The following SEMA3A variants were observed in gnomAD, a reference collection of about 807,000 sequenced individuals.
SEMA3A encodes semaphorin 3A, also known as semaphorin-3A.
Under a neutral mutation model 97.9 loss-of-function variants are expected in SEMA3A, and 29 were observed. The ratio of observed to expected loss-of-function variants is 0.30; its 90% CI spans 0.22 to 0.40. SEMA3A has a LOEUF of 0.40. SEMA3A is among the 10% of genes least tolerant of loss of function. SEMA3A has a pLI of 1.00. For missense variants in SEMA3A, 763 were observed against 951.3 expected, an observed-to-expected ratio of 0.80 and a Z score of 2.60; for synonymous variants, 321 against 323.7, an observed-to-expected ratio of 0.99 and a Z score of 0.09.
intron 1 of SEMA3A, among the ~76,000 whole-genome samples, chr7:84,418,342 T>A (rs1225926596): frequency 6.6e-6 from 1 of 151,976 alleles, no homozygotes; most frequent in Non-Finnish European, 1.5e-5. Context: ...GAACTCCACT[T>A]TATAAAACCA....
intron 1 of SEMA3A, among the ~76,000 whole-genome samples, chr7:84,149,805 GA>G (rs1796573799): frequency 6.6e-6 from 1 of 152,186 alleles, no homozygotes; most frequent in African/African-American, 2.4e-5. Context: ...AACATTCATT[GA>G]AAATGAGACA....
intron 4 of SEMA3A, among the ~76,000 whole-genome samples, chr7:84,100,428 A>T (rs1794925323): frequency 6.6e-6 from 1 of 152,192 alleles, no homozygotes; most frequent in Non-Finnish European, 1.5e-5. Context: ...AACAATCATG[A>T]AAAACCTTAC....
intron 2 of SEMA3A, among the ~76,000 whole-genome samples, chr7:84,314,395 G>A (rs557097575): frequency 6.6e-6 from 1 of 152,260 alleles, no homozygotes; most frequent in East Asian, 1.9e-4. Context: ...CATATGACAT[G>A]TAGTGTAATG....
intron 2 of SEMA3A, among the ~76,000 whole-genome samples, chr7:84,324,572 A>G (rs1049508497): frequency 2.6e-5 from 4 of 152,206 alleles, no homozygotes; most frequent in African/African-American, 9.6e-5. Flanking sequence ...TGGTAATTAT[A>G]TATACATTGG....
chr7:84,321,913 G>GAAAAAA (rs1801659201), intron 2 of SEMA3A, among the ~76,000 whole-genome samples: 1 of 108,682 alleles, frequency 9.2e-6, no homozygotes, highest in African/African-American at 3.3e-5. Context: ...GAAGAAGAAG[G>GAAAAAA]AGGAAATACC....
intron 1 of SEMA3A, among the ~76,000 whole-genome samples, chr7:84,165,305 T>C (rs1797165833): frequency 6.6e-6 from 1 of 152,172 alleles, no homozygotes; most frequent in African/African-American, 2.4e-5. Context: ...CTCTTAAAAG[T>C]AGACTAATAT....
Position 83,961,413 on chromosome 7 carries a change from G to C in SEMA3A, c.2274C>G (p.Asn758Lys). 3.1e-6 allele frequency: 5 copies of C among 1,614,084 alleles called. No individual in the cohort carries two copies. The highest frequency in any genetic ancestry group is 4.2e-6 in the Non-Finnish European group (5 of 1,179,950). The change falls in exon 17 of 17, where the codon AAC becomes AAG. Residue 758 changes from asparagine (N) to lysine (K), a missense_variant. Transcript: ENST00000265362. ...KHLQENKKGR[N>K]RRTHEFERAP... ...CCCTCTCAAATTCGTGGGTCCTCCTGTTTCTACCTTTCTTATTTTCTTGTA... is the reference window on the plus strand; with the variant it reads ...CCCTCTCAAATTCGTGGGTCCTCCTCTTTCTACCTTTCTTATTTTCTTGTA...
intron 1 of SEMA3A, among the ~76,000 whole-genome samples, chr7:84,468,069 G>A (rs1806051548): frequency 6.6e-6 from 1 of 152,126 alleles, no homozygotes; most frequent in Non-Finnish European, 1.5e-5. Context: ...AAATTCTAGA[G>A]AGTAAATCCT....
intron 6 of SEMA3A, among the ~76,000 whole-genome samples, chr7:84,033,005 T>C (rs1791814563): frequency 6.6e-6 from 1 of 152,092 alleles, no homozygotes; most frequent in African/African-American, 2.4e-5. Context: ...CTTGTTTTTC[T>C]TTACTGAGAG....
chr7:84,008,105 C>T (rs925059582), intron 9 of SEMA3A, among the ~76,000 whole-genome samples: 2 of 152,102 alleles, frequency 1.3e-5, no homozygotes, highest in African/African-American at 2.4e-5. Context: ...TGGAGAATTA[C>T]AGCAATTATA....
In SEMA3A at chr7:84,484,811, A is replaced by T. The variant is rs147951284; in HGVS notation, c.-246+7649T>A. ...CACTTATGACTCATATAAATAAAGT[A>T]TGAATGCTCATCCTTAAGGATCATA... On this transcript the variant is annotated intron_variant, in intron 1 of 3. Transcript: ENST00000424555. Among the ~76,000 whole-genome samples, 1,110 of 152,312 alleles carry T rather than the reference A, an allele frequency of 7.3e-3. 17 individuals are homozygous for T. The highest frequency in any genetic ancestry group is 0.041 in the Admixed American group (620 of 15,298).
chr7:84,084,570 C>T lies in SEMA3A; in HGVS notation c.454-24012G>A, dbSNP rs191068544. On this transcript the variant is annotated intron_variant, in intron 4 of 16. Transcript: ENST00000265362. Reference sequence around the variant, plus strand: ...TAGGTAAAATCATTTACAATGTAATCTGGTCACTCCAATGTTCCATAACAT... The same window carrying T: ...TAGGTAAAATCATTTACAATGTAATTTGGTCACTCCAATGTTCCATAACAT... Among the ~76,000 whole-genome samples the T allele has an allele frequency of 1.7e-3, 258 of 151,954 alleles. 2 individuals are homozygous for T. The highest frequency in any genetic ancestry group is 5.9e-3 in the African/African-American group (245 of 41,490).
intron 1 of SEMA3A, among the ~76,000 whole-genome samples, chr7:84,417,258 A>C (rs2116268037): frequency 6.6e-6 from 1 of 152,218 alleles, no homozygotes; most frequent in South Asian, 2.1e-4. Flanking sequence ...AATGTAAAGT[A>C]AATATAGAAA....
intron 3 of SEMA3A, among the ~76,000 whole-genome samples, chr7:84,247,817 G>C (rs1294701025): frequency 6.6e-6 from 1 of 152,090 alleles, no homozygotes; most frequent in East Asian, 1.9e-4. Context: ...GAAAGTATGA[G>C]TCTTAGAAGA....
intron 4 of SEMA3A, among the ~76,000 whole-genome samples, chr7:84,061,898 G>A (rs944865814): frequency 1.3e-5 from 2 of 152,088 alleles, no homozygotes; most frequent in Non-Finnish European, 2.9e-5. Context: ...AATCTATACT[G>A]TGAAATAATT....
At chr7:84,223,885 A>G (rs1015121236) in intron 3 of SEMA3A, among the ~76,000 whole-genome samples, 3 of 151,844 alleles carry the variant, frequency 2.0e-5, no homozygotes, top group Admixed American at 6.6e-5. Context: ...ACATACTTCT[A>G]TTGAAATAAA....
At chr7:84,324,237 C>T (rs891003418) in intron 2 of SEMA3A, among the ~76,000 whole-genome samples, 1 of 152,138 alleles carries the variant, frequency 6.6e-6, no homozygotes, top group Admixed American at 6.6e-5. Context: ...TGGGATAAAT[C>T]CATAGGATGG....
intron 4 of SEMA3A, among the ~76,000 whole-genome samples, chr7:84,074,960 T>A (rs903462609): frequency 1.4e-4 from 22 of 152,094 alleles, no homozygotes; most frequent in African/African-American, 5.3e-4. Context: ...TAATCCAGTT[T>A]AATATTCATG....
chr7:84,484,594 G>A (rs1274988400), intron 1 of SEMA3A, among the ~76,000 whole-genome samples: 1 of 151,626 alleles, frequency 6.6e-6, no homozygotes, highest in Admixed American at 6.6e-5. Context: ...TTATCACATT[G>A]TAACACTGAA....
Sources: gnomAD v4.1 joint callset for allele counts (sites outside exome capture counted in the v4.1 genomes callset) on GRCh38, gnomAD v4.1.1 for gene constraint, MANE v1.5 for transcripts, NCBI Gene and HGNC (gene_info 2026-07-23, HGNC 2026-07-21) for gene names.